SV2C: variants seen among roughly 807,000 people sequenced by gnomAD.
The protein encoded by SV2C is synaptic vesicle glycoprotein 2C, also known as solute carrier family 22 member B3.
In SV2C, 49 loss-of-function variants were observed where a neutral mutation model predicts 79.7. The observed-to-expected ratio is 0.61, with a 90% CI of 0.49 to 0.78. The LOEUF (loss-of-function observed/expected upper bound fraction) is 0.78, where lower values mean the gene tolerates loss of function less well. Ranked by LOEUF, SV2C falls within the 30% of genes least tolerant of loss-of-function variation. The pLI is 0.00. For synonymous variants in SV2C, 334 were observed against 333.2 expected (o/e 1.00, Z -0.03); for missense variants, 833 against 912.9 (o/e 0.91, Z 1.13).
the SV2C span, among the ~76,000 whole-genome samples, chr5:76,048,515 TC>T: frequency 6.6e-6 from 1 of 152,182 alleles, no homozygotes; most frequent in African/African-American, 2.4e-5. Flanking sequence ...TTACCAGCTA[TC>T]TGGGCATCTC....
chr5:76,122,077 G>A (rs375995665), intron 1 of SV2C, among the ~76,000 whole-genome samples: 4,426 of 149,742 alleles, frequency 0.03, 222 homozygotes, highest in African/African-American at 0.11. Context: ...CCTTGAAGAG[G>A]TCCTTCACAT....
In SV2C at chr5:76,301,357, TTCCAGCCTTTTG is replaced by T. The variant is rs1170724219; in HGVS notation, c.1841-26_1841-15del. On this transcript the variant is annotated splice_polypyrimidine_tract_variant and intron_variant, in intron 11 of 12. Coordinates refer to ENST00000502798, the MANE Select transcript of SV2C (RefSeq NM_014979.4). ...TGCTTTACTAAGATGACAGGAAACATTCCAGCCTTTTGTCTGCATTGTTGGCAGGTGGCTCTA... is the reference window on the plus strand; with the variant it reads ...TGCTTTACTAAGATGACAGGAAACATTCTGCATTGTTGGCAGGTGGCTCTA... 6.2e-7 allele frequency: 1 copy of T among 1,612,114 alleles called. No individual in the cohort carries two copies. Among genetic ancestry groups the T allele is most frequent in the East Asian group, 2.2e-5 (1 of 44,858 alleles).
intron 2 of SV2C, among the ~76,000 whole-genome samples, chr5:76,156,337 G>A (rs1742728464): frequency 6.6e-6 from 1 of 152,100 alleles, no homozygotes; most frequent in Non-Finnish European, 1.5e-5. Flanking sequence ...CATTCTATGG[G>A]GGGAAGGAAA....
At chr5:76,223,059 C>T (rs73766713) in intron 4 of SV2C, among the ~76,000 whole-genome samples, 9,024 of 152,116 alleles carry the variant, frequency 0.059, 824 homozygotes, top group African/African-American at 0.2. Flanking sequence ...CATGTGTGGC[C>T]CAGATGCCAG....
At chr5:76,045,595 T>G in the SV2C span, among the ~76,000 whole-genome samples, 4 of 152,238 alleles carry the variant, frequency 2.6e-5, no homozygotes, top group African/African-American at 4.8e-5. Context: ...TTAGCTGCAA[T>G]CTTAAGCCAA....
the SV2C span, among the ~76,000 whole-genome samples, chr5:75,972,372 C>A: frequency 1.3e-5 from 2 of 152,006 alleles, no homozygotes; most frequent in Non-Finnish European, 2.9e-5. Context: ...AAAGAAACTA[C>A]CATCAGAGTG....
chr5:76,038,803 A>G, the SV2C span, among the ~76,000 whole-genome samples: 4 of 152,364 alleles, frequency 2.6e-5, no homozygotes, highest in South Asian at 2.1e-4. Context: ...CAACTGAGAA[A>G]ACATCAATCA....
At chr5:75,934,059 A>G in the SV2C span, among the ~76,000 whole-genome samples, 2 of 152,192 alleles carry the variant, frequency 1.3e-5, no homozygotes, top group African/African-American at 4.8e-5. Context: ...TTTAATCTCA[A>G]CTATTATATG....
At chr5:75,970,646 G>A in the SV2C span, among the ~76,000 whole-genome samples, 141 of 152,266 alleles carry the variant, frequency 9.3e-4, no homozygotes, top group Non-Finnish European at 1.7e-3. Flanking sequence ...TCTCTGATTA[G>A]ACCAATAATA....
intron 4 of SV2C, among the ~76,000 whole-genome samples, chr5:76,243,575 C>T (rs1028951736): frequency 1.3e-5 from 2 of 152,098 alleles, no homozygotes; most frequent in African/African-American, 2.4e-5. Context: ...ATTTTATTTT[C>T]CTGCTGCATA....
chr5:75,902,558 CGGGGTTGAAATG>C, the SV2C span, among the ~76,000 whole-genome samples: 1 of 152,162 alleles, frequency 6.6e-6, no homozygotes, highest in African/African-American at 2.4e-5. Context: ...TCTTATCCTT[CGGGGTTGAAATG>C]CTTTTCCCAG....
chr5:76,275,206 G>A (rs1355626348), intron 4 of SV2C, among the ~76,000 whole-genome samples: 1 of 152,144 alleles, frequency 6.6e-6, no homozygotes, highest in East Asian at 1.9e-4. Flanking sequence ...CAGATCAGTA[G>A]GCCAGGTGCA....
chr5:76,268,314 A>T (rs941133886), intron 4 of SV2C, among the ~76,000 whole-genome samples: 2 of 152,134 alleles, frequency 1.3e-5, no homozygotes, highest in Non-Finnish European at 2.9e-5. Flanking sequence ...GCTGAGAGAC[A>T]ATGAATACTG....
At chr5:76,218,295 C>T (rs752869999) in intron 4 of SV2C, among the ~76,000 whole-genome samples, 12 of 152,188 alleles carry the variant, frequency 7.9e-5, no homozygotes, top group Admixed American at 1.3e-4. Flanking sequence ...ACCATAAAGA[C>T]ACATGCACAT....
chr5:75,990,195 G>T, the SV2C span, among the ~76,000 whole-genome samples: 1 of 151,812 alleles, frequency 6.6e-6, no homozygotes, highest in Non-Finnish European at 1.5e-5. Flanking sequence ...GTTGCCTTTG[G>T]CATCTTCATC....
the SV2C span, among the ~76,000 whole-genome samples, chr5:75,901,575 G>A: frequency 1.7e-3 from 256 of 152,364 alleles, 2 homozygotes; most frequent in Middle Eastern, 3.4e-3. Flanking sequence ...CCCCTTCTCA[G>A]ATCTCCAGCT....
intron 12 of SV2C, among the ~76,000 whole-genome samples, chr5:76,349,709 A>G (rs1457631129): frequency 6.9e-6 from 1 of 144,700 alleles, no homozygotes; most frequent in Non-Finnish European, 1.5e-5. Flanking sequence ...TCACTTTGTC[A>G]CCCAGGCTGG....
At chr5:76,155,590 A>G (rs1320626304) in intron 2 of SV2C, among the ~76,000 whole-genome samples, 1 of 152,138 alleles carries the variant, frequency 6.6e-6, no homozygotes, top group Non-Finnish European at 1.5e-5. Context: ...TCTTTCTTTC[A>G]TCCAGCCTCC....
the SV2C span, among the ~76,000 whole-genome samples, chr5:76,030,807 G>C: frequency 2.6e-5 from 4 of 151,958 alleles, no homozygotes; most frequent in African/African-American, 7.2e-5. Context: ...AGAAAGGTTT[G>C]TGCCTCCCTC....
Sources: allele counts gnomAD v4.1 joint callset (sites outside exome capture counted in the v4.1 genomes callset), GRCh38; gene constraint gnomAD v4.1.1; transcripts MANE v1.5; gene names NCBI Gene and HGNC (gene_info 2026-07-23, HGNC 2026-07-21).